NR2F6: variants seen among roughly 807,000 people sequenced by gnomAD.
NR2F6 encodes nuclear receptor subfamily 2 group F member 6, also known as ERBA-related gene-2.
In NR2F6, 16 loss-of-function variants were observed where a neutral mutation model predicts 26.5. The observed-to-expected ratio is 0.60, with a 90% CI of 0.41 to 0.92. NR2F6 has a LOEUF of 0.92. Ranked by LOEUF, NR2F6 falls within the 40% of genes least tolerant of loss-of-function variation. The probability of loss-of-function intolerance (pLI) is 0.00; values close to 1 mark genes in which losing one functional copy is unlikely to be tolerated. For missense variants in NR2F6, 536 were observed against 631.7 expected (o/e 0.85, Z 1.62); for synonymous variants, 325 against 305.0 (o/e 1.07, Z -0.68).
intron 2 of NR2F6, among the ~76,000 whole-genome samples, chr19:17,238,793 T>C (rs997488160): frequency 3.9e-5 from 6 of 152,124 alleles, no homozygotes; most frequent in Admixed American, 6.5e-5. Flanking sequence ...TTACGCCAAG[T>C]ATGGTGGCTC....
At chr19:17,240,425 C>T (rs550621338) in intron 2 of NR2F6, among the ~76,000 whole-genome samples, 105 of 152,264 alleles carry the variant, frequency 6.9e-4, no homozygotes, top group Non-Finnish European at 1.2e-3. Context: ...TTCAGCTCCA[C>T]GGCAGCAACC....
intron 2 of NR2F6, among the ~76,000 whole-genome samples, chr19:17,240,106 C>T (rs1052675790): frequency 1.1e-4 from 16 of 152,330 alleles, no homozygotes; most frequent in South Asian, 2.1e-4. Flanking sequence ...TGAGCAGAGA[C>T]AGCTGGGCCT....
At chr19:17,234,225 A>AC (rs111885553) in intron 3 of NR2F6, among the ~76,000 whole-genome samples, 43 of 150,902 alleles carry the variant, frequency 2.8e-4, no homozygotes, top group South Asian at 2.5e-3. Flanking sequence ...TCCGTCTCAA[A>AC]AAAAAAAAAA....
chr19:17,241,950 A>G (rs1418609994), intron 1 of NR2F6, among the ~76,000 whole-genome samples: 1 of 149,990 alleles, frequency 6.7e-6, no homozygotes, highest in East Asian at 2.0e-4. Flanking sequence ...GGGGAGGTGG[A>G]GGTTGCAGTG....
Position 17,240,403 on chromosome 19 carries a change from G to A in NR2F6, c.373+268C>T, listed in dbSNP as rs375318885. Among the ~76,000 whole-genome samples, 614 of 152,306 alleles carry A rather than the reference G, an allele frequency of 4.0e-3. 1 individual carries two copies. The highest frequency in any genetic ancestry group is 6.0e-3 in the Non-Finnish European group (411 of 68,014). ...GGCTGGGGAAAGTCCCTTGTGGGGCGTCCCTGGCCTCTTCAGCTCCACGGC... is the reference window on the plus strand; with the variant it reads ...GGCTGGGGAAAGTCCCTTGTGGGGCATCCCTGGCCTCTTCAGCTCCACGGC... On this transcript the variant is annotated intron_variant, in intron 2 of 3. Transcript: ENST00000291442.
rs1408723803 is a variant in NR2F6, at chr19:17,232,566, G to A, written c.1001C>T (p.Ala334Val). 1.3e-6 allele frequency: 2 copies of A among 1,587,054 alleles called. No individual in the cohort carries two copies. Among genetic ancestry groups the A allele is most frequent in the Non-Finnish European group, 1.7e-6 (2 of 1,164,960 alleles). Residue 334 changes from alanine (A) to valine (V), a missense_variant, in exon 4 of 4, where the codon GCC becomes GTC. Physicochemically the swap from Ala to Val is moderately conservative, Grantham distance 64 (BLOSUM62 0). Transcript: ENST00000291442. ...CTGCGCCCGCACATACTCGGTGAGG[G>A]CCACCTGCGCCTTCTCCTGCAGGCT... ...VESLQEKAQV[A>V]LTEYVRAQYP...
At chr19:17,241,510 G>C (rs2073469131) in intron 1 of NR2F6, among the ~76,000 whole-genome samples, 1 of 152,210 alleles carries the variant, frequency 6.6e-6, no homozygotes, top group Non-Finnish European at 1.5e-5. Flanking sequence ...TCCCCATCCT[G>C]GGTCAGCCCC....
Position 17,235,693 on chromosome 19 carries a change from T to C in NR2F6, c.746A>G (p.Gln249Arg). The C allele has an allele frequency of 6.7e-7, 1 of 1,490,228 alleles. No individual in the cohort carries two copies. The highest frequency in any genetic ancestry group is 8.8e-7 in the Non-Finnish European group (1 of 1,130,598). 92.3% of individuals were successfully genotyped at this position (1,490,228 alleles called of 1,614,324 possible). A position where few individuals can be genotyped will look rare whatever the true frequency, so the allele number is the denominator to read the frequency against. The change falls in exon 3 of 4, where the codon CAG becomes CGG. Residue 249 changes from glutamine to arginine, a missense_variant. Coordinates refer to ENST00000291442, the MANE Select transcript of NR2F6 (RefSeq NM_005234.4). The surrounding 1 kb of genome is among the most constrained non-coding windows in gnomAD (Gnocchi z 5.0). ...WSELFVLNAA[Q>R]AALPLHTAPL... ...CGCCGTGTGCAGGGGCAGCGCCGCC[T>C]GCGCCGCGTTCAGCACGAAGAGCTC...
intron 1 of NR2F6, among the ~76,000 whole-genome samples, chr19:17,241,374 C>A (rs761512164): frequency 6.6e-6 from 1 of 152,134 alleles, no homozygotes; most frequent in Non-Finnish European, 1.5e-5. Context: ...GGCCCCACAC[C>A]TACGCTCTTC....
intron 2 of NR2F6, among the ~76,000 whole-genome samples, chr19:17,237,062 C>T: frequency 6.6e-6 from 1 of 152,218 alleles, no homozygotes; most frequent in East Asian, 1.9e-4. Context: ...CATCTCATCA[C>T]CTCCGTGAAC....
chr19:17,240,863 T>A, intron 1 of NR2F6, 98 bp from the exon 2 acceptor site: 1 of 1,175,642 alleles, frequency 8.5e-7, no homozygotes, highest in South Asian at 1.4e-5. Flanking sequence ...TCAGAAATAC[T>A]AGTAGGGGCC....
At position 17,245,831 on chromosome 19, in the gene NR2F6, G is replaced by GGCCTGGGCCTGC. The variant is rs956208554; in HGVS notation, c.-623_-612dup. 1.4e-5 allele frequency: 2 copies of GGCCTGGGCCTGC among 146,550 alleles called. No individual in the cohort carries two copies. Among genetic ancestry groups the GGCCTGGGCCTGC allele is most frequent in the African/African-American group, 2.4e-5 (1 of 40,828 alleles). 9.1% of individuals were successfully genotyped at this position (146,550 alleles called of 1,614,324 possible). ...GCCCCCGCTGCGGCCGCTCCTGCCT[G>GGCCTGGGCCTGC]GCCTGGGCCTGCGCCTGGGCCCAAG... On this transcript the variant is annotated 5_prime_UTR_variant, in exon 1 of 4. Coordinates refer to ENST00000291442, the MANE Select transcript of NR2F6 (RefSeq NM_005234.4). This position sits in a 1 kb window ranked among gnomAD's most constrained non-coding sequence, Gnocchi z 5.0.
Position 17,232,549 on chromosome 19 carries a change from G to C in NR2F6, c.1018C>G (p.Arg340Gly). ...TGGGGCTGGGACGGGTACTGCGCCC[G>C]CACATACTCGGTGAGGGCCACCTGC... ...KAQVALTEYV[R>G]AQYPSQPQRF... The change falls in exon 4 of 4, where the codon CGG becomes GGG. Residue 340 changes from arginine to glycine, a missense_variant. Transcript: ENST00000291442. 6.2e-7 allele frequency: 1 copy of C among 1,601,116 alleles called. No individual in the cohort carries two copies. The highest frequency in any genetic ancestry group is 8.5e-7 in the Non-Finnish European group (1 of 1,172,652).
At chr19:17,236,245 C>A (rs2073437904) in intron 2 of NR2F6, among the ~76,000 whole-genome samples, 180 bp from the exon 3 acceptor site, 1 of 102,700 alleles carries the variant, frequency 9.7e-6, no homozygotes, top group Admixed American at 1.1e-4. Context: ...GAGGAGAGGG[C>A]CGGAAGAGGG....
At chr19:17,242,027 A>G (rs1386226969) in intron 1 of NR2F6, among the ~76,000 whole-genome samples, 6 of 112,618 alleles carry the variant, frequency 5.3e-5, no homozygotes. Flanking sequence ...AAAAAAAAGA[A>G]AAAAAAAAAG....
chr19:17,241,458 G>A (rs1030904253), intron 1 of NR2F6, among the ~76,000 whole-genome samples: 8 of 152,230 alleles, frequency 5.3e-5, no homozygotes, highest in African/African-American at 1.9e-4. Flanking sequence ...GTTGCCTCTT[G>A]CAGGGATGAG....
At chr19:17,232,698 G>C in intron 3 of NR2F6, 72 bp from the exon 4 acceptor site, 1 of 1,477,096 alleles carries the variant, frequency 6.8e-7, no homozygotes, top group Non-Finnish European at 9.0e-7. Context: ...GGTGACTAGG[G>C]GACACCACTC....
Position 17,235,975 on chromosome 19 carries a change from G to T in NR2F6, c.464C>A (p.Ala155Glu). ...CCCCGGGAAGAGGTCTCCGCCGCTC[G>T]CCACTGCCGCCAGCGCCGAGCCCGG... ...SPPGSALAAVASGGDLFPGQP... is the reference protein window; with the variant it reads ...SPPGSALAAVESGGDLFPGQP... Residue 155 changes from alanine to glutamate, a missense_variant, in exon 3 of 4, where the codon GCG (alanine) becomes GAG (glutamate). Coordinates refer to ENST00000291442, the MANE Select transcript of NR2F6 (RefSeq NM_005234.4). The surrounding 1 kb of genome is among the most constrained non-coding windows in gnomAD (Gnocchi z 5.0). 6.8e-7 allele frequency: 1 copy of T among 1,467,030 alleles called. No homozygotes were observed. Among genetic ancestry groups the T allele is most frequent in the Non-Finnish European group, 9.0e-7 (1 of 1,115,162 alleles). 90.9% of individuals were successfully genotyped at this position (1,467,030 alleles called of 1,614,324 possible). A position where few individuals can be genotyped will look rare whatever the true frequency, so the allele number is the denominator to read the frequency against.
At position 17,245,245 on chromosome 19, in the gene NR2F6, C is replaced by T. The variant is rs1328393857; in HGVS notation, c.-25G>A. The T allele has an allele frequency of 1.6e-6, 2 of 1,237,350 alleles. No individual in the cohort carries two copies. Among genetic ancestry groups the T allele is most frequent in the Non-Finnish European group, 2.0e-6 (2 of 993,684 alleles). 76.6% of individuals were successfully genotyped at this position (1,237,350 alleles called of 1,614,324 possible). ...TAGCCCCAGGGCAGCGGGGCCGGGG[C>T]GCCCCCACCGCGCTCTTCCCTCCGG... On this transcript the variant is annotated 5_prime_UTR_variant, in exon 1 of 4. Coordinates refer to ENST00000291442, the MANE Select transcript of NR2F6 (RefSeq NM_005234.4). This position sits in a 1 kb window ranked among gnomAD's most constrained non-coding sequence, Gnocchi z 5.0.
Sources: gnomAD v4.1 joint callset for allele counts (sites outside exome capture counted in the v4.1 genomes callset) on GRCh38, gnomAD v4.1.1 for gene constraint, Gnocchi (gnomAD v3.1) non-coding constraint, MANE v1.5 for transcripts, NCBI Gene and HGNC (gene_info 2026-07-23, HGNC 2026-07-21) for gene names.